The following CADM2 variants were observed in gnomAD, a reference collection of about 807,000 sequenced individuals.
The protein encoded by CADM2 is immunoglobulin superfamily member 4D.
Under a neutral mutation model 49.8 loss-of-function variants are expected in CADM2, and 12 were observed. The ratio of observed to expected loss-of-function variants is 0.24; its 90% CI spans 0.15 to 0.39. The LOEUF is 0.39. Among genes scored for constraint, CADM2 ranks in the 10% least tolerant of loss-of-function variants. The pLI, the probability that CADM2 is intolerant of heterozygous loss-of-function variation, is 1.00. For synonymous variants in CADM2, 214 were observed against 175.4 expected, an observed-to-expected ratio of 1.22 and a Z score of -1.74; for missense variants, 378 against 492.3, an observed-to-expected ratio of 0.77 and a Z score of 2.20.
intron 7 of CADM2, among the ~76,000 whole-genome samples, chr3:85,946,075 G>T (rs562689850): frequency 2.6e-5 from 4 of 152,152 alleles, no homozygotes; most frequent in Non-Finnish European, 5.9e-5. Context: ...AGCAACTTCA[G>T]CAAAGTCTCA....
At position 85,572,756 on chromosome 3, in the gene CADM2, G is replaced by T. The variant is rs557676993; in HGVS notation, c.62-153766G>T. On this transcript the variant is annotated intron_variant, in intron 1 of 9. Coordinates refer to ENST00000383699, the MANE Select transcript of CADM2 (RefSeq NM_001167675.2). ...ACAGGAGAGAAAGAGTCCAGCTTCA[G>T]TAGATAGATTAACATATTCACTTTT... 2.6e-5 allele frequency among the ~76,000 whole-genome samples: 4 copies of T among 152,262 alleles called. No homozygotes were observed. The East Asian group carries it at 7.7e-4, about 29-fold the overall frequency.
intron 7 of CADM2, among the ~76,000 whole-genome samples, chr3:85,949,599 A>G (rs1423854775): frequency 6.6e-6 from 1 of 151,288 alleles, no homozygotes; most frequent in African/African-American, 2.4e-5. Context: ...GATTTAAAAA[A>G]TACCTTCAAA....
At chr3:86,057,015 C>T (rs1056267023) in intron 8 of CADM2, among the ~76,000 whole-genome samples, 1 of 152,150 alleles carries the variant, frequency 6.6e-6, no homozygotes, top group South Asian at 2.1e-4. Context: ...ACACATATTA[C>T]GTATAGTTAA....
intron 1 of CADM2, among the ~76,000 whole-genome samples, chr3:85,101,723 T>C (rs1487741223): frequency 1.3e-5 from 2 of 152,230 alleles, no homozygotes; most frequent in East Asian, 3.8e-4. Context: ...TAATGAACAC[T>C]ATAATTTGGT....
chr3:85,049,411 T>C (rs912098842), intron 1 of CADM2, among the ~76,000 whole-genome samples: 1 of 151,770 alleles, frequency 6.6e-6, no homozygotes, highest in African/African-American at 2.4e-5. Context: ...AGTGCAATGA[T>C]GCGATCTCAG....
intron 8 of CADM2, among the ~76,000 whole-genome samples, chr3:85,988,589 T>G (rs1364838750): frequency 9.9e-5 from 15 of 152,156 alleles, no homozygotes; most frequent in Non-Finnish European, 1.5e-5. Context: ...TGTAGCTGTG[T>G]CACAGTTAAA....
chr3:85,718,479 C>T (rs552142826), intron 1 of CADM2, among the ~76,000 whole-genome samples: 1 of 152,102 alleles, frequency 6.6e-6, no homozygotes, highest in East Asian at 1.9e-4. Context: ...TGGAAAGCTT[C>T]CCTTTGTAAC....
chr3:85,365,200 T>A (rs1478996642), intron 1 of CADM2, among the ~76,000 whole-genome samples: 1 of 19,058 alleles, frequency 5.2e-5, no homozygotes, highest in Non-Finnish European at 1.9e-4. Context: ...TTTTTTTTAC[T>A]TTTTTTTTTT....
At chr3:85,767,514 T>G (rs532978115) in intron 2 of CADM2, among the ~76,000 whole-genome samples, 72 of 152,316 alleles carry the variant, frequency 4.7e-4, no homozygotes, top group African/African-American at 1.6e-3. Context: ...ATTTAATACA[T>G]GAAGTTTTCT....
intron 1 of CADM2, among the ~76,000 whole-genome samples, chr3:84,970,040 C>T (rs918811566): frequency 1.5e-5 from 2 of 136,008 alleles, no homozygotes; most frequent in African/African-American, 5.5e-5. Context: ...TGTGGACTGA[C>T]CTGCTTTTTT....
Position 85,886,203 on chromosome 3 carries a change from G to A in CADM2, c.405G>A (p.Lys135=), listed in dbSNP as rs780980071. ...AYLTVLGVPE[K]PQISGFSSPV... ...CTTAAATTTCAGGTGTTCCTGAAAA[G>A]CCTCAGATTAGTGGATTCTCATCAC... Residue 135 remains lysine (K), a synonymous_variant, in exon 5 of 10, where the codon AAG becomes AAA. Transcript: ENST00000383699. The A allele has an allele frequency of 2.5e-6, 4 of 1,613,042 alleles. No homozygotes were observed. The highest frequency in any genetic ancestry group is 3.4e-6 in the Non-Finnish European group (4 of 1,179,418).
intron 1 of CADM2, among the ~76,000 whole-genome samples, chr3:85,604,749 C>T (rs1415950034): frequency 6.6e-6 from 1 of 151,902 alleles, no homozygotes; most frequent in East Asian, 1.9e-4. Context: ...CTAGAGTAAT[C>T]CATCATCATG....
At chr3:85,358,405 A>G (rs893213409) in intron 1 of CADM2, among the ~76,000 whole-genome samples, 3 of 152,124 alleles carry the variant, frequency 2.0e-5, no homozygotes, top group Non-Finnish European at 4.4e-5. Context: ...ATATATATAT[A>G]TAGTTCAGAA....
At chr3:84,994,510 G>A (rs552517975) in intron 1 of CADM2, among the ~76,000 whole-genome samples, 16 of 152,142 alleles carry the variant, frequency 1.1e-4, no homozygotes, top group African/African-American at 3.9e-4. Flanking sequence ...TAGGAAGGTA[G>A]GTAAAATTTC....
chr3:85,488,515 A>G (rs9849399), intron 1 of CADM2, among the ~76,000 whole-genome samples: 1 of 151,630 alleles, frequency 6.6e-6, no homozygotes, highest in Non-Finnish European at 1.5e-5. Context: ...TTTATTATTT[A>G]TTTATTTTTG....
intron 1 of CADM2, among the ~76,000 whole-genome samples, chr3:85,181,356 T>A (rs187236160): frequency 6.6e-6 from 1 of 152,246 alleles, no homozygotes; most frequent in East Asian, 1.9e-4. Context: ...AAGTGGTAGA[T>A]GCCATCCTCA....
intron 1 of CADM2, among the ~76,000 whole-genome samples, chr3:85,346,051 C>T (rs1261236941): frequency 6.6e-6 from 1 of 152,118 alleles, no homozygotes; most frequent in Non-Finnish European, 1.5e-5. Context: ...TACAACTTTT[C>T]TGTAAGCTTG....
In CADM2 at chr3:84,993,065, C is replaced by T. The variant is rs543299294; in HGVS notation, c.61+33397C>T. ...ACTTACAAGTGGCAGATACCTAAAA[C>T]AAACTATTTTAAGAAAAAAAAATAT... On this transcript the variant is annotated intron_variant, in intron 1 of 9. Coordinates refer to ENST00000383699, the MANE Select transcript of CADM2 (RefSeq NM_001167675.2). 7.9e-5 allele frequency among the ~76,000 whole-genome samples: 12 copies of T among 152,042 alleles called. No individual in the cohort carries two copies. In the South Asian group the frequency reaches 2.3e-3, roughly 29 times the overall value.
chr3:85,572,057 G>A (rs2062494714), intron 1 of CADM2, among the ~76,000 whole-genome samples: 3 of 152,116 alleles, frequency 2.0e-5, no homozygotes, highest in Admixed American at 1.3e-4. Context: ...AGCAGTTTAG[G>A]AGGCCGAGGC....
Sources: gnomAD v4.1 joint callset for allele counts (sites outside exome capture counted in the v4.1 genomes callset) on GRCh38, gnomAD v4.1.1 for gene constraint, MANE v1.5 for transcripts, NCBI Gene and HGNC (gene_info 2026-07-23, HGNC 2026-07-21) for gene names.